The following SHANK1 variants were observed in gnomAD, a reference collection of about 807,000 sequenced individuals.
SHANK1 encodes the protein SH3 and multiple ankyrin repeat domains 1, also known as SH3 and multiple ankyrin repeat domains protein 1.
SHANK1 carries 35 observed loss-of-function variants against 165.6 expected under a neutral mutation model. The ratio of observed to expected loss-of-function variants is 0.21; its 90% CI spans 0.16 to 0.28. SHANK1 has a LOEUF of 0.28. Ranked by LOEUF, SHANK1 falls within the 10% of genes least tolerant of loss-of-function variation. SHANK1 has a pLI of 1.00. For synonymous variants in SHANK1, 1,428 were observed against 1,384.8 expected, an observed-to-expected ratio of 1.03 and a Z score of -0.69; for missense variants, 2,681 against 3,036.4, an observed-to-expected ratio of 0.88 and a Z score of 2.75.
chr19:50,668,624 C>T lies in SHANK1; in HGVS notation c.3336G>A (p.Lys1112=). 7.3e-7 allele frequency: 1 copy of T among 1,375,644 alleles called. No individual in the cohort carries two copies. Among genetic ancestry groups the T allele is most frequent in the Non-Finnish European group, 9.4e-7 (1 of 1,060,822 alleles). The allele number at this position is 1,375,644 out of a possible 1,614,324, so 85.2% of individuals were successfully genotyped here. A position where few individuals can be genotyped will look rare whatever the true frequency, so the allele number is the denominator to read the frequency against. Residue 1112 remains lysine, a synonymous_variant, in exon 23 of 24, where the codon AAG becomes AAA. Coordinates refer to ENST00000293441, the MANE Select transcript of SHANK1 (RefSeq NM_016148.5). The part of the protein sequence containing the change: ...SGRGRKGPLV[K]QTKVEGEPQK... ...GGGGCTCGCCTTCCACCTTGGTCTG[C>T]TTGACCAGCGGGCCCTTGCGGCCGC... is the stretch of plus-strand genomic sequence containing the variant.
In SHANK1 at chr19:50,717,177, T is replaced by C. The variant is rs1025493430; in HGVS notation, c.-43-215A>G. Among the ~76,000 whole-genome samples, 1 of 152,166 alleles carries C rather than the reference T, an allele frequency of 6.6e-6. No individual in the cohort carries two copies. The highest frequency in any genetic ancestry group is 2.4e-5 in the African/African-American group (1 of 41,444). On this transcript the variant is annotated intron_variant, in intron 1 of 23. Transcript: ENST00000293441. The surrounding 1 kb of genome is among the most constrained non-coding windows in gnomAD (Gnocchi z 5.5). ...CCCTGTCCCTGACATGCTTCTGGCATGTGTCTCCTTCCCTGCCCTTGGCCC... is the reference window on the plus strand; with the variant it reads ...CCCTGTCCCTGACATGCTTCTGGCACGTGTCTCCTTCCCTGCCCTTGGCCC...
At chr19:50,705,496 G>A (rs994486728) in intron 8 of SHANK1, among the ~76,000 whole-genome samples, 2 of 152,132 alleles carry the variant, frequency 1.3e-5, no homozygotes, top group Admixed American at 6.6e-5. Flanking sequence ...GGCATTTAGG[G>A]TATGTGCTCA....
chr19:50,688,176 G>C lies in SHANK1; in HGVS notation c.2173-118C>G. 7.8e-7 allele frequency: 1 copy of C among 1,273,982 alleles called. No homozygotes were observed. The highest frequency in any genetic ancestry group is 1.1e-6 in the Non-Finnish European group (1 of 906,964). The allele number at this position is 1,273,982 out of a possible 1,614,324, so 78.9% of individuals were successfully genotyped here. A position where few individuals can be genotyped will look rare whatever the true frequency, so the allele number is the denominator to read the frequency against. On this transcript the variant is annotated intron_variant, in intron 17 of 23. Transcript: ENST00000293441. This position sits in a 1 kb window ranked among gnomAD's most constrained non-coding sequence, Gnocchi z 6.7. ...CCCTGTCCATGGCCCTCTGGGCTAT[G>C]TTCCTCTCCCTCCGACCCTTCATAC...
In SHANK1 at chr19:50,667,332, G is replaced by C; in HGVS notation, c.4628C>G (p.Pro1543Arg). 6.3e-7 allele frequency: 1 copy of C among 1,576,750 alleles called. No individual in the cohort carries two copies. Residue 1543 changes from proline (P) to arginine (R), a missense_variant, in exon 23 of 24, where the codon CCC (proline) becomes CGC (arginine). Physicochemically the swap from Pro to Arg is moderately radical, Grantham distance 103. Around this residue, in one of 10 missense-constraint regions of SHANK1, gnomAD observed 1,713 missense variants for 1,630.2 expected, o/e 1.05. Transcript: ENST00000293441. This position sits in a 1 kb window ranked among gnomAD's most constrained non-coding sequence, Gnocchi z 5.7. ...SPRASEENGL[P>R]LLVLPPPAPS... ...GGCGGGAGGCGGCAGGACCAGCAGG[G>C]GCAGCCCGTTCTCTTCGCTGGCCCT...
Position 50,687,645 on chromosome 19 carries a change from G to T in SHANK1, c.2326C>A (p.Arg776=), listed in dbSNP as rs368845485. ...AGGGAGATGGTTGGGGGCGGCAGCC[G>T]CTTGGCCTGCTGGGGTGCTGAAAAG... ...VHKKAPQQAK[R]LPPPTISLRS... The change falls in exon 19 of 24, where the codon CGG becomes AGG. Residue 776 remains arginine (R), a synonymous_variant. Coordinates refer to ENST00000293441, the MANE Select transcript of SHANK1 (RefSeq NM_016148.5). 6.6e-7 allele frequency: 1 copy of T among 1,506,678 alleles called. No homozygotes were observed. The highest frequency in any genetic ancestry group is 2.5e-5 in the East Asian group (1 of 40,270). 93.3% of individuals were successfully genotyped at this position (1,506,678 alleles called of 1,614,324 possible). A position where few individuals can be genotyped will look rare whatever the true frequency, so the allele number is the denominator to read the frequency against.
In SHANK1 at chr19:50,666,589, C is replaced by T; in HGVS notation, c.5371G>A (p.Gly1791Arg). 1 of 1,601,478 alleles carries T rather than the reference C, an allele frequency of 6.2e-7. No individual in the cohort carries two copies. The change falls in exon 23 of 24, where the codon GGG becomes AGG. Residue 1791 changes from glycine to arginine, a missense_variant. This residue lies in a region of SHANK1 where 1,713 missense variants were observed against 1,630.2 expected (regional missense o/e 1.05). Coordinates refer to ENST00000293441, the MANE Select transcript of SHANK1 (RefSeq NM_016148.5). ...TPTSPTVSVT[G>R]AGTDGLLALR... ...GCCAGCAGCCCATCGGTTCCAGCCC[C>T]TGTCACCGAGACGGTGGGGCTGGTG... is the stretch of plus-strand genomic sequence containing the variant.
Position 50,711,451 on chromosome 19 carries a change from G to A in SHANK1, c.997C>T (p.Leu333=). ...QRGHSQHLEH[L]LFYGAEPGAQ... is the part of the protein sequence containing the mutation. ...CCAGGCTCAGCCCCGTAGAAAAGCA[G>A]ATGCTCCAGGTGCTGAGAGTGACCC... is the stretch of plus-strand genomic sequence containing the variant. The change falls in exon 8 of 24, where the codon CTG becomes TTG. Residue 333 remains leucine, a synonymous_variant. Transcript: ENST00000293441. The A allele has an allele frequency of 6.4e-7, 1 of 1,569,064 alleles. No individual in the cohort carries two copies. Among genetic ancestry groups the A allele is most frequent in the South Asian group, 1.2e-5 (1 of 85,006 alleles).
In SHANK1 at chr19:50,666,465, G is replaced by C. The variant is rs775267902; in HGVS notation, c.5495C>G (p.Ser1832Cys). 2 of 1,605,402 alleles carry C rather than the reference G, an allele frequency of 1.2e-6. No homozygotes were observed. Among genetic ancestry groups the C allele is most frequent in the South Asian group, 2.2e-5 (2 of 90,352 alleles). ...CCAGGGCAGCAGCTTCCGGGGCAGA[G>C]AGGAGGCCGTCGGCAAGGGCACCGG... ...VPPVPLPTASSLPRKLLPWEE... is the reference protein window; with the variant it reads ...VPPVPLPTASCLPRKLLPWEE... The change falls in exon 23 of 24, where the codon TCT becomes TGT. Residue 1832 changes from serine (S) to cysteine (C), a missense_variant. By Grantham distance (112) the Ser-to-Cys change is moderately radical. Around this residue, in one of 10 missense-constraint regions of SHANK1, gnomAD observed 1,713 missense variants for 1,630.2 expected, o/e 1.05. Transcript: ENST00000293441.
At chr19:50,714,418 G>T in intron 4 of SHANK1, 128 bp from the exon 5 acceptor site, 1 of 772,562 alleles carries the variant, frequency 1.3e-6, no homozygotes, top group Non-Finnish European at 2.1e-6. Flanking sequence ...GCTTCTAGCA[G>T]CCTCCTTTAC....
intron 18 of SHANK1, 32 bp downstream of exon 18, chr19:50,687,891 T>C: frequency 6.2e-7 from 1 of 1,612,984 alleles, no homozygotes; most frequent in South Asian, 1.1e-5. Flanking sequence ...CTGGTGGCAG[T>C]GGGGTGGCTG....
Position 50,697,198 on chromosome 19 carries a change from C to T in SHANK1, c.1938-76G>A, listed in dbSNP as rs1444005595. Reference sequence around the variant, plus strand: ...CCCATCTCCTCACCCCAATCCCACCCAGCCCTGACTGCACCCTCCCCACAC... The same window carrying T: ...CCCATCTCCTCACCCCAATCCCACCTAGCCCTGACTGCACCCTCCCCACAC... On this transcript the variant is annotated intron_variant, in intron 14 of 23. Coordinates refer to ENST00000293441, the MANE Select transcript of SHANK1 (RefSeq NM_016148.5). This position sits in a 1 kb window ranked among gnomAD's most constrained non-coding sequence, Gnocchi z 4.7. 38 of 1,610,400 alleles carry T rather than the reference C, an allele frequency of 2.4e-5. No homozygotes were observed. The highest frequency in any genetic ancestry group is 3.3e-4 in the Middle Eastern group (2 of 6,070).
Position 50,688,162 on chromosome 19 carries a change from G to T in SHANK1, c.2173-104C>A. ...TGCCTCCTGCGCTGCCCTGTCCATGGCCCTCTGGGCTATGTTCCTCTCCCT... is the reference window on the plus strand; with the variant it reads ...TGCCTCCTGCGCTGCCCTGTCCATGTCCCTCTGGGCTATGTTCCTCTCCCT... On this transcript the variant is annotated intron_variant, in intron 17 of 23. Coordinates refer to ENST00000293441, the MANE Select transcript of SHANK1 (RefSeq NM_016148.5). The surrounding 1 kb of genome is among the most constrained non-coding windows in gnomAD (Gnocchi z 6.7). 7.3e-7 allele frequency: 1 copy of T among 1,376,760 alleles called. No individual in the cohort carries two copies. The highest frequency in any genetic ancestry group is 1.0e-6 in the Non-Finnish European group (1 of 992,876). The allele number at this position is 1,376,760 out of a possible 1,614,324, so 85.3% of individuals were successfully genotyped here.
chr19:50,676,058 C>A (rs949024801), intron 21 of SHANK1, among the ~76,000 whole-genome samples: 1 of 151,966 alleles, frequency 6.6e-6, no homozygotes, highest in African/African-American at 2.4e-5. Context: ...AATCTCAGCA[C>A]TCTGGGAGGT....
intron 12 of SHANK1, among the ~76,000 whole-genome samples, chr19:50,698,597 A>C (rs1448145246): frequency 1.3e-5 from 2 of 151,032 alleles, no homozygotes; most frequent in Non-Finnish European, 2.9e-5. Context: ...AAAAACAGAG[A>C]TATATGACAA....
At chr19:50,704,243 G>C in intron 9 of SHANK1, 57 bp from the exon 10 acceptor site, 1 of 1,558,320 alleles carries the variant, frequency 6.4e-7, no homozygotes, top group Non-Finnish European at 8.9e-7. Context: ...CAGAGAGAGG[G>C]CAGGGAACGT....
intron 21 of SHANK1, among the ~76,000 whole-genome samples, chr19:50,680,836 A>G (rs1421350427): frequency 6.6e-6 from 1 of 152,132 alleles, no homozygotes; most frequent in South Asian, 2.1e-4. Context: ...TTGTAGTTTT[A>G]GTAGCGACGG....
chr19:50,662,783 G>A lies in SHANK1; in HGVS notation c.5769-101C>T. 2 of 1,241,198 alleles carry A rather than the reference G, an allele frequency of 1.6e-6. No individual in the cohort carries two copies. Among genetic ancestry groups the A allele is most frequent in the African/African-American group, 1.5e-5 (1 of 64,934 alleles). 76.9% of individuals were successfully genotyped at this position (1,241,198 alleles called of 1,614,324 possible). A position where few individuals can be genotyped will look rare whatever the true frequency, so the allele number is the denominator to read the frequency against. On this transcript the variant is annotated intron_variant, in intron 23 of 23. Transcript: ENST00000293441. This position sits in a 1 kb window ranked among gnomAD's most constrained non-coding sequence, Gnocchi z 7.7. ...GTCAAGATATAGGGAGAGAGGAGGA[G>A]AGACATAAGGGTAGGGGGAGAGACG...
Position 50,671,889 on chromosome 19 carries a change from CTT to C in SHANK1, c.2674+127_2674+128del, listed in dbSNP as rs1181199859. ...TTCACCCATTTCCAAAGCCTGAACT[CTT>C]AACCCAATTTGATGAAACTATGGTC... On this transcript the variant is annotated intron_variant, in intron 22 of 23. Transcript: ENST00000293441. 3 of 720,148 alleles carry C rather than the reference CTT, an allele frequency of 4.2e-6. No individual in the cohort carries two copies. In the African/African-American group the frequency reaches 5.3e-5, roughly 13 times the overall value. 44.6% of individuals were successfully genotyped at this position (720,148 alleles called of 1,614,324 possible).
intron 12 of SHANK1, among the ~76,000 whole-genome samples, chr19:50,700,887 C>G (rs1251367193): frequency 6.6e-6 from 1 of 152,242 alleles, no homozygotes; most frequent in Middle Eastern, 3.4e-3. Context: ...ACAGTAGCTC[C>G]TGAATTTGAT....
Sources: gnomAD v4.1 joint callset for allele counts (sites outside exome capture counted in the v4.1 genomes callset) on GRCh38, gnomAD v4.1.1 for gene constraint, gnomAD v4.1.1 regional missense constraint, Gnocchi (gnomAD v3.1) non-coding constraint, MANE v1.5 for transcripts, NCBI Gene and HGNC (gene_info 2026-07-23, HGNC 2026-07-21) for gene names.